The following FMNL2 variants were observed in gnomAD, a reference collection of about 807,000 sequenced individuals.
FMNL2 encodes formin like 2, also known as formin-like protein 2.
Under a neutral mutation model 130.2 loss-of-function variants are expected in FMNL2, and 51 were observed. That is an observed-to-expected ratio of 0.39 (90% CI 0.31 to 0.49). The LOEUF is 0.49. FMNL2 is among the 20% of genes least tolerant of loss of function. The pLI is 0.85. For synonymous variants in FMNL2, 465 were observed against 467.1 expected, an observed-to-expected ratio of 1.00 and a Z score of 0.06; for missense variants, 977 against 1,316.2, an observed-to-expected ratio of 0.74 and a Z score of 3.99.
chr2:152,600,961 A>G (rs1241277798), intron 9 of FMNL2, among the ~76,000 whole-genome samples: 1 of 152,190 alleles, frequency 6.6e-6, no homozygotes, highest in Non-Finnish European at 1.5e-5. Context: ...TGGAGCTTCC[A>G]TGCCAGTCAG....
chr2:152,629,812 CCTT>C lies in FMNL2; in HGVS notation c.2470-9_2470-7del, dbSNP rs763531124. 11 of 1,612,048 alleles carry C rather than the reference CCTT, an allele frequency of 6.8e-6. No homozygotes were observed. In the Admixed American group the frequency reaches 1.2e-4, roughly 17 times the overall value. On this transcript the variant is annotated splice_polypyrimidine_tract_variant and intron_variant, in intron 19 of 25. Coordinates refer to ENST00000288670, the MANE Select transcript of FMNL2 (RefSeq NM_052905.4). ...CTGTACTGATGGGCTTCTGTTTTCACCTTCTTTTGCAGATCATCTTAGCCCTTG... is the reference window on the plus strand; with the variant it reads ...CTGTACTGATGGGCTTCTGTTTTCACCTTTTGCAGATCATCTTAGCCCTTG...
intron 1 of FMNL2, among the ~76,000 whole-genome samples, chr2:152,386,447 G>GTACA (rs1684787919): frequency 6.6e-6 from 1 of 152,204 alleles, no homozygotes; most frequent in African/African-American, 2.4e-5. Flanking sequence ...AATAAGTTAT[G>GTACA]TGATTTTAAA....
chr2:152,559,300 C>T (rs1695398353), intron 5 of FMNL2, among the ~76,000 whole-genome samples: 1 of 152,062 alleles, frequency 6.6e-6, no homozygotes, highest in African/African-American at 2.4e-5. Flanking sequence ...GTTCCTTTTT[C>T]CTTGATATGC....
chr2:152,335,445 A>C lies in FMNL2; in HGVS notation c.-159A>C. The stretch of plus-strand genomic sequence containing the variant: ...GGGCGGCTCGGCTTGGAGCGCTGCT[A>C]GGGAGCGGTGCGCGCCGCACACCCG... On this transcript the variant is annotated 5_prime_UTR_variant, in exon 1 of 26. It removes the in-frame stop codon of an upstream open reading frame in the 5' UTR. Transcript: ENST00000288670. 7.9e-6 allele frequency: 3 copies of C among 380,478 alleles called. No homozygotes were observed. Among genetic ancestry groups the C allele is most frequent in the Non-Finnish European group, 1.4e-5 (3 of 221,710 alleles). 23.6% of individuals were successfully genotyped at this position (380,478 alleles called of 1,614,324 possible).
intron 10 of FMNL2, among the ~76,000 whole-genome samples, chr2:152,609,710 A>G (rs1325275420): frequency 1.3e-5 from 2 of 152,168 alleles, no homozygotes; most frequent in Non-Finnish European, 2.9e-5. Context: ...ACATCTTCCA[A>G]AGATATCCAA....
intron 9 of FMNL2, among the ~76,000 whole-genome samples, chr2:152,599,051 T>G (rs1697906845): frequency 6.6e-6 from 1 of 152,204 alleles, no homozygotes; most frequent in Non-Finnish European, 1.5e-5. Flanking sequence ...CAGCTCAAGA[T>G]GAGAGAGAAT....
At chr2:152,642,720 T>A (rs1346485599) in intron 25 of FMNL2, among the ~76,000 whole-genome samples, 1 of 152,042 alleles carries the variant, frequency 6.6e-6, no homozygotes, top group Non-Finnish European at 1.5e-5. Context: ...GAACTTGGAG[T>A]TCCTGGCTGG....
intron 1 of FMNL2, among the ~76,000 whole-genome samples, chr2:152,346,672 A>C (rs921223007): frequency 6.6e-6 from 1 of 152,132 alleles, no homozygotes; most frequent in Non-Finnish European, 1.5e-5. Context: ...AACAACAAAA[A>C]AAGTTCCACG....
At chr2:152,483,793 C>T (rs550637995) in intron 1 of FMNL2, among the ~76,000 whole-genome samples, 18 of 152,366 alleles carry the variant, frequency 1.2e-4, no homozygotes, top group African/African-American at 4.3e-4. Context: ...TTGCTCATCT[C>T]TTGAAGCTAT....
chr2:152,338,850 CACAT>C (rs1442198760), intron 1 of FMNL2, among the ~76,000 whole-genome samples: 4 of 147,538 alleles, frequency 2.7e-5, no homozygotes, highest in African/African-American at 1.0e-4. Context: ...CACACACACA[CACAT>C]ATATGCATAT....
chr2:152,532,659 G>A (rs1693768235), intron 2 of FMNL2, among the ~76,000 whole-genome samples: 1 of 148,822 alleles, frequency 6.7e-6, no homozygotes, highest in South Asian at 2.1e-4. Context: ...CCAGGCTGGA[G>A]TGGAGTGGCA....
intron 1 of FMNL2, among the ~76,000 whole-genome samples, chr2:152,445,409 A>G (rs921327474): frequency 5.9e-5 from 9 of 152,192 alleles, no homozygotes; most frequent in African/African-American, 2.2e-4. Flanking sequence ...AATGTCCTAG[A>G]CCACTATTGT....
At chr2:152,558,050 A>G (rs1695323177) in intron 4 of FMNL2, among the ~76,000 whole-genome samples, 1 of 152,220 alleles carries the variant, frequency 6.6e-6, no homozygotes, top group South Asian at 2.1e-4. Flanking sequence ...ATGTATAAGC[A>G]TTCTCCATGC....
intron 1 of FMNL2, among the ~76,000 whole-genome samples, chr2:152,364,576 G>T (rs1298713861): frequency 2.0e-5 from 3 of 152,096 alleles, no homozygotes; most frequent in Non-Finnish European, 4.4e-5. Flanking sequence ...GCGATTCCAT[G>T]ACCAGTATTT....
At chr2:152,424,544 C>A (rs943513324) in intron 1 of FMNL2, among the ~76,000 whole-genome samples, 16 of 152,112 alleles carry the variant, frequency 1.1e-4, no homozygotes, top group Admixed American at 9.2e-4. Context: ...GCGTGCGCCA[C>A]CATGCGCGGC....
At chr2:152,491,881 G>A (rs1303647876) in intron 1 of FMNL2, among the ~76,000 whole-genome samples, 1 of 152,150 alleles carries the variant, frequency 6.6e-6, no homozygotes, top group African/African-American at 2.4e-5. Flanking sequence ...AACTCGGGAG[G>A]CGGAGGTTGC....
At chr2:152,474,752 C>T (rs531592108) in intron 1 of FMNL2, among the ~76,000 whole-genome samples, 24 of 152,070 alleles carry the variant, frequency 1.6e-4, no homozygotes, top group Non-Finnish European at 2.9e-4. Context: ...TTAGACTGTG[C>T]TTAGTTGCCA....
chr2:152,413,979 G>A (rs1686462663), intron 1 of FMNL2, among the ~76,000 whole-genome samples: 1 of 152,134 alleles, frequency 6.6e-6, no homozygotes, highest in African/African-American at 2.4e-5. Context: ...ATTTAAAAAG[G>A]ATTTTTGTTT....
At chr2:152,384,435 TA>T (rs1684669646) in intron 1 of FMNL2, among the ~76,000 whole-genome samples, 1 of 152,084 alleles carries the variant, frequency 6.6e-6, no homozygotes, top group African/African-American at 2.4e-5. Flanking sequence ...CTGGCCAGGA[TA>T]GGGGCTAGGC....
Sources: allele counts gnomAD v4.1 joint callset (sites outside exome capture counted in the v4.1 genomes callset), GRCh38; gene constraint gnomAD v4.1.1; transcripts MANE v1.5; gene names NCBI Gene and HGNC (gene_info 2026-07-23, HGNC 2026-07-21).